SYCP1: variants seen among roughly 807,000 people sequenced by gnomAD.
SYCP1 encodes the protein synaptonemal complex protein 1, also known as cancer/testis antigen 8.
In SYCP1, 64 loss-of-function variants were observed where a neutral mutation model predicts 153.1. The ratio of observed to expected loss-of-function variants is 0.42; its 90% CI spans 0.34 to 0.51. SYCP1 has a LOEUF of 0.51. Among genes scored for constraint, SYCP1 ranks in the 20% least tolerant of loss-of-function variants. The pLI, the probability that SYCP1 is intolerant of heterozygous loss-of-function variation, is 0.06. For missense variants in SYCP1, 997 were observed against 1,049.0 expected (o/e 0.95, Z 0.68); for synonymous variants, 384 against 341.8 (o/e 1.12, Z -1.36).
At chr1:114,859,714 G>A (rs764823502) in intron 6 of SYCP1, 29 bp from the exon 7 acceptor site, 5 of 1,005,786 alleles carry the variant, frequency 5.0e-6, no homozygotes, top group Non-Finnish European at 6.5e-6. Flanking sequence ...TAAGCAAAAT[G>A]GGATGAACTT....
intron 23 of SYCP1, among the ~76,000 whole-genome samples, chr1:114,933,005 G>A (rs1035506244): frequency 1.2e-4 from 19 of 152,130 alleles, no homozygotes; most frequent in African/African-American, 3.9e-4. Context: ...CAGAAACTTC[G>A]GCAGACTTAA....
At chr1:114,924,539 G>T (rs1381308516) in intron 21 of SYCP1, among the ~76,000 whole-genome samples, 1 of 152,140 alleles carries the variant, frequency 6.6e-6, no homozygotes. Context: ...CACATTCAAT[G>T]TGAAGCCTTA....
chr1:114,934,590 C>T (rs1377735469), intron 23 of SYCP1, among the ~76,000 whole-genome samples: 1 of 152,128 alleles, frequency 6.6e-6, no homozygotes, highest in Non-Finnish European at 1.5e-5. Flanking sequence ...GGGCTAAATA[C>T]TCCAATTAAA....
intron 23 of SYCP1, among the ~76,000 whole-genome samples, chr1:114,943,297 A>G (rs1037785383): frequency 6.6e-6 from 1 of 151,976 alleles, no homozygotes; most frequent in Non-Finnish European, 1.5e-5. Context: ...GTTTACAAGA[A>G]CATTCATAGC....
chr1:114,894,409 GA>G (rs1486531677), intron 15 of SYCP1, among the ~76,000 whole-genome samples: 40 of 152,254 alleles, frequency 2.6e-4, no homozygotes, highest in African/African-American at 9.6e-4. Context: ...ATTTTTAGCT[GA>G]CAGCTGGACA....
At chr1:114,942,543 C>A (rs1670450131) in intron 23 of SYCP1, among the ~76,000 whole-genome samples, 1 of 151,740 alleles carries the variant, frequency 6.6e-6, no homozygotes, top group Admixed American at 6.6e-5. Context: ...AAAAGAGAAG[C>A]CTAGAAAAAG....
In SYCP1 at chr1:114,856,655, C is replaced by A; in HGVS notation, c.191C>A (p.Ser64Ter). Reference protein sequence around the residue: ...NLSKNGENIDSDPALQKVNFL... With the variant: ...NLSKNGENID ...TCCAAAAATGGGGAAAACATTGATT[C>A]AGGTAGGAGCATGGAAAAGCAGTGT... The change falls in exon 3 of 32, where the codon TCA becomes TAA. Residue 64 changes from serine to a stop codon, truncating the protein, a stop_gained and splice_region_variant. Transcript: ENST00000369522. LOFTEE classifies it high-confidence loss of function. 1 of 1,607,220 alleles carries A rather than the reference C, an allele frequency of 6.2e-7. No homozygotes were observed. The highest frequency in any genetic ancestry group is 1.1e-5 in the South Asian group (1 of 89,924).
At chr1:114,886,429 G>A (rs1243721099) in intron 14 of SYCP1, 120 bp downstream of exon 14, 1 of 826,640 alleles carries the variant, frequency 1.2e-6, no homozygotes. Context: ...AACAACTGTA[G>A]TCAGGTCTCA....
At chr1:114,909,917 A>G (rs1367299572) in intron 16 of SYCP1, among the ~76,000 whole-genome samples, 3 of 152,150 alleles carry the variant, frequency 2.0e-5, no homozygotes, top group Non-Finnish European at 4.4e-5. Flanking sequence ...CACTATTGCT[A>G]GTGTTATCTT....
rs551877490 is a variant in SYCP1 at position 114,946,331 on chromosome 1, G to A, written c.2197G>A (p.Gly733Arg). The A allele has an allele frequency of 4.9e-5, 78 of 1,586,200 alleles. 1 individual carries two copies. In the South Asian group the frequency reaches 8.9e-4, roughly 18 times the overall value. The change falls in exon 26 of 32, where the codon GGA becomes AGA. Residue 733 changes from glycine (G) to arginine (R), a missense_variant. This residue lies in a region of SYCP1 where 712 missense variants were observed against 682.9 expected (regional missense o/e 1.04). Coordinates refer to ENST00000369522, the MANE Select transcript of SYCP1 (RefSeq NM_003176.4). ...CATTGAAGAAAGAGACTCAGAATTA[G>A]GACTTTATAAGAGCAAAGAACAAGA... Reference protein sequence around the residue: ...KIIEERDSELGLYKSKEQEQS... With the variant: ...KIIEERDSELRLYKSKEQEQS...
chr1:114,948,411 T>G (rs887702196), intron 27 of SYCP1, among the ~76,000 whole-genome samples: 4 of 152,232 alleles, frequency 2.6e-5, no homozygotes, highest in Non-Finnish European at 5.9e-5. Context: ...AACCTAGGTC[T>G]ATTTTTGCAT....
At chr1:114,885,377 G>T (rs1367929149) in intron 12 of SYCP1, among the ~76,000 whole-genome samples, 158 bp from the exon 13 acceptor site, 1 of 152,046 alleles carries the variant, frequency 6.6e-6, no homozygotes, top group African/African-American at 2.4e-5. Flanking sequence ...AATAAAGCTT[G>T]ATGGTGACCA....
intron 28 of SYCP1, among the ~76,000 whole-genome samples, chr1:114,980,461 A>T (rs1212806402): frequency 1.3e-5 from 2 of 151,990 alleles, no homozygotes; most frequent in Non-Finnish European, 2.9e-5. Context: ...TGAAGCAAAT[A>T]GCCATTTTCT....
At chr1:114,932,081 G>T (rs79072469) in intron 23 of SYCP1, among the ~76,000 whole-genome samples, 2,388 of 152,178 alleles carry the variant, frequency 0.016, 67 homozygotes, top group African/African-American at 0.054. Context: ...TGGGTTATAG[G>T]CATACAATCT....
intron 30 of SYCP1, among the ~76,000 whole-genome samples, chr1:114,988,808 A>G (rs1231922657): frequency 6.6e-6 from 1 of 152,002 alleles, no homozygotes; most frequent in African/African-American, 2.4e-5. Context: ...TTTCTATATG[A>G]TTTTAAAGAC....
rs368450661 is a variant in SYCP1 at position 114,954,582 on chromosome 1, T to TATTA, written c.2322+7262_2322+7263insATTA. On this transcript the variant is annotated intron_variant, in intron 27 of 31. Transcript: ENST00000369522. ...TTATTTATTTATTTATTTATTTATT[T>TATTA]TTTATTTATTTATTTTTGAGACGGA... Among the ~76,000 whole-genome samples the TATTA allele has an allele frequency of 3.6e-5, 5 of 138,014 alleles. No individual in the cohort carries two copies. In the South Asian group the frequency reaches 1.1e-3, roughly 29 times the overall value. The allele number at this position is 138,014 out of a possible 152,430, so 90.5% of individuals were successfully genotyped here.
At chr1:114,977,498 A>T in intron 27 of SYCP1, 59 bp from the exon 28 acceptor site, 1 of 1,036,796 alleles carries the variant, frequency 9.6e-7, no homozygotes, top group Non-Finnish European at 1.4e-6. Flanking sequence ...TTTTGATAAT[A>T]TTCATTTGTG....
chr1:114,914,000 T>C lies in SYCP1; in HGVS notation c.1673T>C (p.Met558Thr). ...AATAACAAAAAGCAAGAAGAAAGGATGTTGAAACAAATAGAAAATCTTCAA... is the reference window on the plus strand; with the variant it reads ...AATAACAAAAAGCAAGAAGAAAGGACGTTGAAACAAATAGAAAATCTTCAA... ...INNNKKQEERMLKQIENLQET... is the reference protein window; with the variant it reads ...INNNKKQEERTLKQIENLQET... Residue 558 changes from methionine to threonine, a missense_variant, in exon 20 of 32, where the codon ATG becomes ACG. By Grantham distance (81) the Met-to-Thr change is moderately conservative. Around this residue, in one of 2 missense-constraint regions of SYCP1, gnomAD observed 712 missense variants for 682.9 expected, o/e 1.04. Coordinates refer to ENST00000369522, the MANE Select transcript of SYCP1 (RefSeq NM_003176.4). 1 of 1,578,300 alleles carries C rather than the reference T, an allele frequency of 6.3e-7. No individual in the cohort carries two copies. Among genetic ancestry groups the C allele is most frequent in the Non-Finnish European group, 8.6e-7 (1 of 1,164,092 alleles).
At position 114,953,649 on chromosome 1, in the gene SYCP1, T is replaced by A. The variant is rs143990392; in HGVS notation, c.2322+6329T>A. Among the ~76,000 whole-genome samples the A allele has an allele frequency of 3.7e-4, 57 of 152,348 alleles. 1 individual carries two copies. In the East Asian group the frequency reaches 0.01, roughly 27 times the overall value. Reference sequence around the variant, plus strand: ...TCTATTTCTATGGTCTTTATTCTGTTCCATTGATCTATGTGTCTCTTCACC... The same window carrying A: ...TCTATTTCTATGGTCTTTATTCTGTACCATTGATCTATGTGTCTCTTCACC... On this transcript the variant is annotated intron_variant, in intron 27 of 31. Transcript: ENST00000369522.
Sources: allele counts gnomAD v4.1 joint callset (sites outside exome capture counted in the v4.1 genomes callset), GRCh38; gene constraint gnomAD v4.1.1; regional missense constraint gnomAD v4.1.1; transcripts MANE v1.5; gene names NCBI Gene and HGNC (gene_info 2026-07-23, HGNC 2026-07-21).